The following GABRB1 variants were observed in gnomAD, a reference collection of about 807,000 sequenced individuals.
The protein encoded by GABRB1 is gamma-aminobutyric acid receptor subunit beta-1.
A neutral mutation model predicts 51.6 loss-of-function variants in GABRB1; 17 were observed. The observed-to-expected ratio is 0.33, with a 90% CI of 0.23 to 0.49. The LOEUF (loss-of-function observed/expected upper bound fraction) is 0.49, where lower values mean the gene tolerates loss of function less well. GABRB1 is among the 20% of genes least tolerant of loss of function. GABRB1 has a pLI of 0.99. For missense variants in GABRB1, 410 were observed against 600.6 expected (o/e 0.68, Z 3.32); for synonymous variants, 247 against 218.9 (o/e 1.13, Z -1.14).
At chr4:47,196,745 G>A (rs1719700507) in intron 4 of GABRB1, among the ~76,000 whole-genome samples, 1 of 152,178 alleles carries the variant, frequency 6.6e-6, no homozygotes, top group South Asian at 2.1e-4. Context: ...ACATTCATCA[G>A]CACAATGTTT....
rs1724471834 is a variant in GABRB1, at chr4:47,306,390, A to C, written c.462-13737A>C. On this transcript the variant is annotated intron_variant, in intron 4 of 8. Coordinates refer to ENST00000295454, the MANE Select transcript of GABRB1 (RefSeq NM_000812.4). ...TGAGAAGAAGGTGCGGGGTAGAGAT[A>C]GAAGGTGCGAAGTAGAGATGGGAGG... Among the ~76,000 whole-genome samples, 5 of 151,360 alleles carry C rather than the reference A, an allele frequency of 3.3e-5. No homozygotes were observed. In the South Asian group the frequency reaches 1.0e-3, roughly 32 times the overall value.
chr4:47,123,758 A>C (rs1312961142), intron 3 of GABRB1, among the ~76,000 whole-genome samples: 1 of 86,890 alleles, frequency 1.2e-5, no homozygotes, highest in Non-Finnish European at 2.0e-5. Context: ...ATAATATATT[A>C]TAATATATTA....
At chr4:47,232,273 C>T (rs1016411835) in intron 4 of GABRB1, among the ~76,000 whole-genome samples, 6 of 152,098 alleles carry the variant, frequency 3.9e-5, no homozygotes, top group African/African-American at 1.4e-4. Context: ...TTCCTAATTG[C>T]CAAATCCAGA....
intron 3 of GABRB1, among the ~76,000 whole-genome samples, chr4:47,066,318 G>C (rs998943735): frequency 1.3e-5 from 2 of 152,166 alleles, no homozygotes; most frequent in Admixed American, 1.3e-4. Flanking sequence ...TCAGGGTGGT[G>C]GTTGCTGAGG....
intron 3 of GABRB1, among the ~76,000 whole-genome samples, chr4:47,151,993 T>C (rs1457429507): frequency 6.6e-6 from 1 of 152,022 alleles, no homozygotes; most frequent in East Asian, 1.9e-4. Flanking sequence ...TTGTATAAAG[T>C]CACTACTAAT....
chr4:46,998,626 C>T (rs1271130629), intron 1 of GABRB1, among the ~76,000 whole-genome samples: 1 of 148,682 alleles, frequency 6.7e-6, no homozygotes, highest in African/African-American at 2.5e-5. Flanking sequence ...CCCAGCTACT[C>T]GGGAGGCTGA....
intron 3 of GABRB1, among the ~76,000 whole-genome samples, chr4:47,151,129 A>T (rs1283276395): frequency 6.6e-6 from 1 of 152,018 alleles, no homozygotes; most frequent in African/African-American, 2.4e-5. Context: ...CTGTTAGAAC[A>T]TCTGATATTA....
intron 4 of GABRB1, among the ~76,000 whole-genome samples, chr4:47,246,208 C>T (rs1721732196): frequency 6.8e-6 from 1 of 146,148 alleles, no homozygotes; most frequent in Non-Finnish European, 1.5e-5. Context: ...GAATAATACT[C>T]TCCAATCTCA....
At chr4:47,337,240 C>T (rs1725730871) in intron 5 of GABRB1, among the ~76,000 whole-genome samples, 1 of 151,998 alleles carries the variant, frequency 6.6e-6, no homozygotes, top group Admixed American at 6.6e-5. Context: ...AAGACTCCAT[C>T]CCCCCATCCC....
chr4:47,282,335 C>T (rs1046916873), intron 4 of GABRB1, among the ~76,000 whole-genome samples: 2 of 152,178 alleles, frequency 1.3e-5, no homozygotes, highest in African/African-American at 2.4e-5. Context: ...TACCTGTAGT[C>T]TTCTCTGAGA....
At chr4:47,060,088 G>A (rs1305612017) in intron 3 of GABRB1, among the ~76,000 whole-genome samples, 1 of 151,900 alleles carries the variant, frequency 6.6e-6, no homozygotes, top group Non-Finnish European at 1.5e-5. Context: ...CAATTCTCTG[G>A]GGCACACACC....
At chr4:47,049,031 C>A (rs1577859195) in intron 3 of GABRB1, among the ~76,000 whole-genome samples, 1 of 150,194 alleles carries the variant, frequency 6.7e-6, no homozygotes, top group Non-Finnish European at 1.5e-5. Flanking sequence ...ATAGACAGAG[C>A]CTTTCCTCTT....
At chr4:47,220,591 T>C (rs1017948798) in intron 4 of GABRB1, among the ~76,000 whole-genome samples, 4 of 151,964 alleles carry the variant, frequency 2.6e-5, no homozygotes, top group African/African-American at 9.7e-5. Context: ...TAAACTCAGA[T>C]CCTGAATCCC....
At chr4:47,380,744 G>A (rs1031960406) in intron 5 of GABRB1, among the ~76,000 whole-genome samples, 9 of 152,090 alleles carry the variant, frequency 5.9e-5, no homozygotes, top group Admixed American at 5.2e-4. Flanking sequence ...TGCTTATATA[G>A]GCACACTAGT....
chr4:47,042,580 T>C (rs1476584919), intron 3 of GABRB1, among the ~76,000 whole-genome samples: 2 of 151,096 alleles, frequency 1.3e-5, no homozygotes, highest in Non-Finnish European at 3.0e-5. Context: ...TATTTCTAGA[T>C]ACAGGTAATA....
intron 5 of GABRB1, among the ~76,000 whole-genome samples, chr4:47,383,485 A>C (rs867224654): frequency 6.6e-6 from 1 of 152,142 alleles, no homozygotes; most frequent in Non-Finnish European, 1.5e-5. Flanking sequence ...ATGATAGATT[A>C]TACCTAAAAA....
chr4:47,367,199 CATTCCA>C (rs1266302030), intron 5 of GABRB1, among the ~76,000 whole-genome samples: 1 of 152,162 alleles, frequency 6.6e-6, no homozygotes, highest in East Asian at 1.9e-4. Context: ...ACTCACAGCT[CATTCCA>C]AGCACTACTA....
Position 47,356,815 on chromosome 4 carries a change from A to T in GABRB1, c.544+36606A>T, listed in dbSNP as rs1726596760. Among the ~76,000 whole-genome samples the T allele has an allele frequency of 2.0e-5, 3 of 152,274 alleles. No individual in the cohort carries two copies. The South Asian group carries it at 6.2e-4, about 32-fold the overall frequency. Reference sequence around the variant, plus strand: ...TGCTCTGTGTATAAAAATCTGATAAAATCAGATTTTAAAAATATTATTTGA... The same window carrying T: ...TGCTCTGTGTATAAAAATCTGATAATATCAGATTTTAAAAATATTATTTGA... On this transcript the variant is annotated intron_variant, in intron 5 of 8. Transcript: ENST00000295454.
At chr4:47,035,473 T>G (rs1224834905) in intron 3 of GABRB1, among the ~76,000 whole-genome samples, 1 of 152,176 alleles carries the variant, frequency 6.6e-6, no homozygotes, top group African/African-American at 2.4e-5. Flanking sequence ...TATTATTGAT[T>G]AAATTAGAAA....
Sources: gnomAD v4.1 joint callset for allele counts (sites outside exome capture counted in the v4.1 genomes callset) on GRCh38, gnomAD v4.1.1 for gene constraint, MANE v1.5 for transcripts, NCBI Gene and HGNC (gene_info 2026-07-23, HGNC 2026-07-21) for gene names.